Variants in THADA observed in about 807,000 individuals in gnomAD.
THADA encodes tRNA (32-2'-O)-methyltransferase regulator THADA.
A neutral mutation model predicts 219.8 loss-of-function variants in THADA; 213 were observed. That is an observed-to-expected ratio of 0.97 (90% CI 0.87 to 1.09). The LOEUF (loss-of-function observed/expected upper bound fraction) is 1.09, where lower values mean the gene tolerates loss of function less well. THADA is among the 50% of genes least tolerant of loss of function. The pLI is 0.00. For synonymous variants in THADA, 1,018 were observed against 828.9 expected, an observed-to-expected ratio of 1.23 and a Z score of -3.92; for missense variants, 2,956 against 2,311.3, an observed-to-expected ratio of 1.28 and a Z score of -5.72.
At chr2:43,482,127 T>C (rs1323315295) in intron 26 of THADA, among the ~76,000 whole-genome samples, 1 of 152,186 alleles carries the variant, frequency 6.6e-6, no homozygotes, top group Non-Finnish European at 1.5e-5. Flanking sequence ...CAGTTCTTCA[T>C]TCTGTCAGGC....
intron 26 of THADA, among the ~76,000 whole-genome samples, chr2:43,471,356 T>A (rs1475661065): frequency 6.6e-6 from 1 of 152,052 alleles, no homozygotes; most frequent in Non-Finnish European, 1.5e-5. Flanking sequence ...TGAGACTCTC[T>A]CTCTACAAAA....
chr2:43,345,031 C>T (rs897026130), intron 29 of THADA, among the ~76,000 whole-genome samples: 1 of 152,220 alleles, frequency 6.6e-6, no homozygotes, highest in Non-Finnish European at 1.5e-5. Flanking sequence ...CTTCAGTCTC[C>T]AGCCTCCTTA....
chr2:43,499,672 C>T (rs1032825540), intron 24 of THADA, among the ~76,000 whole-genome samples: 5 of 151,930 alleles, frequency 3.3e-5, no homozygotes, highest in African/African-American at 4.8e-5. Flanking sequence ...CCAGCGCACC[C>T]GGCCTAAAAA....
At chr2:43,379,651 T>A (rs1166887460) in intron 29 of THADA, among the ~76,000 whole-genome samples, 1 of 152,186 alleles carries the variant, frequency 6.6e-6, no homozygotes, top group African/African-American at 2.4e-5. Context: ...CTTAAAAAGT[T>A]AAACACAGAC....
chr2:43,243,477 G>A (rs1009197969), intron 36 of THADA, among the ~76,000 whole-genome samples: 2 of 152,114 alleles, frequency 1.3e-5, no homozygotes, highest in South Asian at 2.1e-4. Context: ...TCACACAACC[G>A]CAAACAGTCC....
At chr2:43,266,002 G>T (rs1349800418) in intron 36 of THADA, among the ~76,000 whole-genome samples, 2 of 142,880 alleles carry the variant, frequency 1.4e-5, no homozygotes, top group Admixed American at 1.4e-4. Context: ...GACTCTTGAG[G>T]GTCTGAAGCA....
At chr2:43,472,435 G>A (rs993985188) in intron 26 of THADA, among the ~76,000 whole-genome samples, 4 of 152,118 alleles carry the variant, frequency 2.6e-5, no homozygotes, top group African/African-American at 7.2e-5. Flanking sequence ...CTATAATATT[G>A]ATAACTAATC....
chr2:43,595,095 T>G (rs977229567), intron 1 of THADA, among the ~76,000 whole-genome samples: 12 of 152,204 alleles, frequency 7.9e-5, no homozygotes, highest in African/African-American at 2.7e-4. Context: ...AACAAACACT[T>G]CACGAATAAA....
chr2:43,250,281 T>C (rs1251644145), intron 36 of THADA, among the ~76,000 whole-genome samples: 1 of 152,222 alleles, frequency 6.6e-6, no homozygotes, highest in Non-Finnish European at 1.5e-5. Context: ...GTAAACATTA[T>C]GTCTAATGAA....
chr2:43,571,564 G>A, intron 13 of THADA, 143 bp downstream of exon 13: 1 of 726,146 alleles, frequency 1.4e-6, no homozygotes, highest in Non-Finnish European at 2.2e-6. Flanking sequence ...GAGAGAACAG[G>A]TCACAGAACG....
At position 43,556,388 on chromosome 2, in the gene THADA, A is replaced by G; in HGVS notation, c.2631T>C (p.Asn877=). The G allele has an allele frequency of 6.2e-7, 1 of 1,613,866 alleles. No homozygotes were observed. Among genetic ancestry groups the G allele is most frequent in the Non-Finnish European group, 8.5e-7 (1 of 1,179,812 alleles). Reference sequence around the variant, plus strand: ...CCACCACAGCAGCAGGCCTATCTCCATTATCACATGCAACTTGCTGAGTTA... The same window carrying G: ...CCACCACAGCAGCAGGCCTATCTCCGTTATCACATGCAACTTGCTGAGTTA... ...AYLTQQVACD[N]GDRPAAVVER... The change falls in exon 17 of 38, where the codon AAT becomes AAC. Residue 877 remains asparagine, a synonymous_variant. Coordinates refer to ENST00000405975, the MANE Select transcript of THADA (RefSeq NM_022065.5).
At chr2:43,497,381 T>C (rs560927061) in intron 25 of THADA, among the ~76,000 whole-genome samples, 1 of 152,208 alleles carries the variant, frequency 6.6e-6, no homozygotes, top group Non-Finnish European at 1.5e-5. Context: ...ATCATGTCCT[T>C]TGCAGGGACA....
intron 1 of THADA, among the ~76,000 whole-genome samples, chr2:43,595,479 T>A (rs1212355792): frequency 6.6e-6 from 1 of 152,190 alleles, no homozygotes; most frequent in Admixed American, 6.5e-5. Flanking sequence ...GAGGATTTGC[T>A]CTTGCAATTC....
intron 31 of THADA, among the ~76,000 whole-genome samples, chr2:43,302,696 G>T (rs1676404813): frequency 6.6e-6 from 1 of 150,822 alleles, no homozygotes; most frequent in Admixed American, 6.6e-5. Context: ...AGTCTCTTAT[G>T]CCCCAAAAGG....
chr2:43,589,924 G>T (rs1701380972), intron 4 of THADA, among the ~76,000 whole-genome samples: 1 of 152,016 alleles, frequency 6.6e-6, no homozygotes, highest in Non-Finnish European at 1.5e-5. Context: ...AGGATTTTAT[G>T]ACATGGAAAT....
At chr2:43,450,634 A>T (rs371247161) in intron 26 of THADA, among the ~76,000 whole-genome samples, 1 of 152,236 alleles carries the variant, frequency 6.6e-6, no homozygotes, top group African/African-American at 2.4e-5. Context: ...CTCATTAGTA[A>T]CTACTTTAAA....
intron 29 of THADA, among the ~76,000 whole-genome samples, chr2:43,386,513 G>C (rs1447520231): frequency 6.6e-6 from 1 of 152,130 alleles, no homozygotes; most frequent in Non-Finnish European, 1.5e-5. Context: ...TACTTTGAGA[G>C]TCAAGTGACA....
chr2:43,355,917 A>G (rs979624107), intron 29 of THADA, among the ~76,000 whole-genome samples: 1 of 152,248 alleles, frequency 6.6e-6, no homozygotes, highest in Non-Finnish European at 1.5e-5. Flanking sequence ...AATTTCTATA[A>G]TATAAAAATG....
chr2:43,398,762 G>A (rs577525286), intron 28 of THADA, among the ~76,000 whole-genome samples: 10 of 152,268 alleles, frequency 6.6e-5, no homozygotes, highest in Middle Eastern at 6.8e-3. Context: ...TTTGAATAAC[G>A]CAGAGGTTCA....
Sources: allele counts gnomAD v4.1 joint callset (sites outside exome capture counted in the v4.1 genomes callset), GRCh38; gene constraint gnomAD v4.1.1; transcripts MANE v1.5; gene names NCBI Gene and HGNC (gene_info 2026-07-23, HGNC 2026-07-21).